MTUS2: variants seen among roughly 807,000 people sequenced by gnomAD.
The protein encoded by MTUS2 is microtubule-associated tumor suppressor candidate 2.
In MTUS2, 40 loss-of-function variants were observed where a neutral mutation model predicts 114.1. The observed-to-expected ratio is 0.35, with a 90% confidence interval of 0.27 to 0.46. MTUS2 has a LOEUF of 0.46. Ranked by LOEUF, MTUS2 falls within the 20% of genes least tolerant of loss-of-function variation. The pLI is 1.00. For missense variants in MTUS2, 1,679 were observed against 1,705.4 expected (o/e 0.98, Z 0.27); for synonymous variants, 688 against 672.0 (o/e 1.02, Z -0.37).
chr13:28,825,815 C>G (rs1272944130), intron 1 of MTUS2, among the ~76,000 whole-genome samples: 1 of 152,078 alleles, frequency 6.6e-6, no homozygotes, highest in Non-Finnish European at 1.5e-5. Flanking sequence ...ATAGAGGTTC[C>G]TTGGATTGTT....
intron 4 of MTUS2, among the ~76,000 whole-genome samples, chr13:29,074,219 C>T (rs1889079082): frequency 6.6e-6 from 1 of 152,202 alleles, no homozygotes; most frequent in Non-Finnish European, 1.5e-5. Flanking sequence ...GCAGTTTCTG[C>T]TCCCCTAAAA....
intron 2 of MTUS2, among the ~76,000 whole-genome samples, chr13:28,954,242 TCA>T (rs1482834514): frequency 1.3e-5 from 2 of 152,186 alleles, no homozygotes; most frequent in Non-Finnish European, 2.9e-5. Flanking sequence ...GAAGAATTTC[TCA>T]GTGGCGGCTC....
chr13:29,459,429 A>G (rs1312723583), intron 9 of MTUS2, among the ~76,000 whole-genome samples: 3 of 151,992 alleles, frequency 2.0e-5, no homozygotes, highest in East Asian at 3.9e-4. Flanking sequence ...CTTCCTCGTT[A>G]TTATTATAGT....
At chr13:28,999,790 A>C (rs976343502) in intron 2 of MTUS2, among the ~76,000 whole-genome samples, 3 of 152,136 alleles carry the variant, frequency 2.0e-5, no homozygotes, top group Non-Finnish European at 4.4e-5. Flanking sequence ...ATCCCCCGCC[A>C]GCCTCTGGTA....
intron 2 of MTUS2, among the ~76,000 whole-genome samples, chr13:28,893,349 A>G (rs559777400): frequency 1.4e-3 from 213 of 152,330 alleles, no homozygotes; most frequent in African/African-American, 4.4e-3. Flanking sequence ...TGACGAGATC[A>G]TTAAGGATTC....
intron 7 of MTUS2, among the ~76,000 whole-genome samples, chr13:29,335,020 C>G (rs544681578): frequency 3.0e-4 from 46 of 152,282 alleles, no homozygotes; most frequent in Non-Finnish European, 5.7e-4. Flanking sequence ...ACCTTAAGAA[C>G]AGGATAACAG....
At chr13:29,054,942 T>TTC (rs1005290851) in intron 4 of MTUS2, among the ~76,000 whole-genome samples, 3 of 152,106 alleles carry the variant, frequency 2.0e-5, no homozygotes, top group Non-Finnish European at 2.9e-5. Context: ...GAACACGCTT[T>TTC]GTTTAATATG....
At chr13:29,269,010 T>C (rs1457238074) in intron 5 of MTUS2, among the ~76,000 whole-genome samples, 1 of 152,208 alleles carries the variant, frequency 6.6e-6, no homozygotes, top group Admixed American at 6.5e-5. Flanking sequence ...ATTTTATATT[T>C]ATTGTCTATC....
chr13:29,063,114 A>C (rs1370465061), intron 4 of MTUS2, among the ~76,000 whole-genome samples: 1 of 152,150 alleles, frequency 6.6e-6, no homozygotes, highest in African/African-American at 2.4e-5. Context: ...GTATTTTAAA[A>C]ATTTGTTGTT....
Position 28,963,356 on chromosome 13 carries a change from A to T in MTUS2, c.-242-61101A>T, listed in dbSNP as rs112975634. 1.9e-3 allele frequency among the ~76,000 whole-genome samples: 282 copies of T among 152,356 alleles called. 5 individuals carry two copies. The East Asian group carries it at 0.037, about 20-fold the overall frequency. On this transcript the variant is annotated intron_variant, in intron 2 of 15. Transcript: ENST00000612955. ...TCAGAGCGAGACTCCATCTCAAAAAACAAAAACAAAACAAAACAAAAAAAG... is the reference window on the plus strand; with the variant it reads ...TCAGAGCGAGACTCCATCTCAAAAATCAAAAACAAAACAAAACAAAAAAAG...
chr13:28,881,845 C>T (rs2453706), intron 2 of MTUS2, among the ~76,000 whole-genome samples: 16,958 of 152,030 alleles, frequency 0.11, 1,144 homozygotes, highest in Middle Eastern at 0.21. Context: ...TGAATATGGC[C>T]GTAGCCAAAG....
intron 5 of MTUS2, among the ~76,000 whole-genome samples, chr13:29,175,438 A>G (rs1396747394): frequency 1.3e-5 from 2 of 152,216 alleles, no homozygotes; most frequent in Non-Finnish European, 2.9e-5. Context: ...ACAATACTCC[A>G]TTGCAATAGC....
chr13:28,982,179 A>G (rs181837579), intron 2 of MTUS2, among the ~76,000 whole-genome samples: 90 of 152,290 alleles, frequency 5.9e-4, no homozygotes, highest in African/African-American at 2.1e-3. Flanking sequence ...CAGTGAAGAC[A>G]GATGGAAAAA....
Position 28,993,436 on chromosome 13 carries a change from A to G in MTUS2, c.-242-31021A>G, listed in dbSNP as rs576553484. On this transcript the variant is annotated intron_variant, in intron 2 of 15. Coordinates refer to ENST00000612955, the MANE Select transcript of MTUS2 (RefSeq NM_001033602.4). ...TTATTCTCCTGTGCATTGTCTGTTT[A>G]CTCTATTGATAGTTTCTATTGCTGT... Among the ~76,000 whole-genome samples the G allele has an allele frequency of 2.6e-5, 4 of 152,102 alleles. No individual in the cohort carries two copies. In the South Asian group the frequency reaches 8.3e-4, roughly 32 times the overall value.
chr13:29,197,526 C>T (rs1312746916), intron 5 of MTUS2, among the ~76,000 whole-genome samples: 1 of 152,204 alleles, frequency 6.6e-6, no homozygotes, highest in Non-Finnish European at 1.5e-5. Flanking sequence ...CAGCAATAAA[C>T]ATACGTGTGC....
rs1309873847 is a variant in MTUS2, at chr13:29,401,674, G to C, written c.3118-38309G>C. On this transcript the variant is annotated intron_variant, in intron 8 of 15. Transcript: ENST00000612955. Reference sequence around the variant, plus strand: ...TAAGTTCCAAAATATGAACGGTTCTGTTTCTGGCTCTTTTTTTGTTCCGTG... The same window carrying C: ...TAAGTTCCAAAATATGAACGGTTCTCTTTCTGGCTCTTTTTTTGTTCCGTG... Among the ~76,000 whole-genome samples, 9 of 152,134 alleles carry C rather than the reference G, an allele frequency of 5.9e-5. No individual in the cohort carries two copies. In the East Asian group the frequency reaches 1.7e-3, roughly 29 times the overall value.
intron 8 of MTUS2, among the ~76,000 whole-genome samples, chr13:29,370,440 C>T (rs568160538): frequency 6.6e-6 from 1 of 152,208 alleles, no homozygotes; most frequent in Non-Finnish European, 1.5e-5. Flanking sequence ...CCTCTGCACT[C>T]CAGCCTGGGC....
intron 2 of MTUS2, among the ~76,000 whole-genome samples, chr13:28,863,107 G>A (rs1328117489): frequency 6.6e-6 from 1 of 152,194 alleles, no homozygotes; most frequent in Non-Finnish European, 1.5e-5. Context: ...GTAATGTGCA[G>A]GAGAGCTTTG....
At chr13:29,139,203 C>T (rs1386894522) in intron 5 of MTUS2, among the ~76,000 whole-genome samples, 2 of 152,134 alleles carry the variant, frequency 1.3e-5, no homozygotes, top group African/African-American at 4.8e-5. Flanking sequence ...TTATTATACC[C>T]CATCTTACAG....
Sources: allele counts gnomAD v4.1 joint callset (sites outside exome capture counted in the v4.1 genomes callset), GRCh38; gene constraint gnomAD v4.1.1; transcripts MANE v1.5; gene names NCBI Gene and HGNC (gene_info 2026-07-23, HGNC 2026-07-21).